The following ZPBP variants were observed in gnomAD, a reference collection of about 807,000 sequenced individuals.
ZPBP encodes the protein zona pellucida-binding protein 1.
Under a neutral mutation model 44.8 loss-of-function variants are expected in ZPBP, and 26 were observed. That is an observed-to-expected ratio of 0.58 (90% CI 0.43 to 0.81). ZPBP has a LOEUF of 0.81. ZPBP is among the 30% of genes least tolerant of loss of function. The probability of loss-of-function intolerance (pLI) is 0.00; values close to 1 mark genes in which losing one functional copy is unlikely to be tolerated. For synonymous variants in ZPBP, 174 were observed against 153.2 expected (o/e 1.14, Z -1.00); for missense variants, 409 against 434.0 (o/e 0.94, Z 0.51).
chr7:49,997,880 C>T (rs567593458), intron 6 of ZPBP, among the ~76,000 whole-genome samples: 1 of 151,630 alleles, frequency 6.6e-6, no homozygotes, highest in African/African-American at 2.4e-5. Context: ...TTAAAGGATC[C>T]CATTCTTTCT....
Position 49,937,493 on chromosome 7 carries a change from A to G in ZPBP, c.*35T>C. On this transcript the variant is annotated 3_prime_UTR_variant, in exon 8 of 8. Transcript: ENST00000046087. ...TTAATATTTCAAATATATACTTTGC[A>G]TTTAATAAACCACTGAATAACTGAA... 2.0e-6 allele frequency: 3 copies of G among 1,465,260 alleles called. No homozygotes were observed. The highest frequency in any genetic ancestry group is 2.9e-6 in the Non-Finnish European group (3 of 1,044,798). The allele number at this position is 1,465,260 out of a possible 1,614,324, so 90.8% of individuals were successfully genotyped here.
At chr7:50,046,349 A>G (rs1395663095) in intron 4 of ZPBP, among the ~76,000 whole-genome samples, 2 of 152,154 alleles carry the variant, frequency 1.3e-5, no homozygotes, top group East Asian at 3.8e-4. Flanking sequence ...CTATCATCAG[A>G]GTGAACAGGC....
intron 4 of ZPBP, among the ~76,000 whole-genome samples, chr7:50,041,825 T>C (rs1046281110): frequency 2.0e-5 from 3 of 152,160 alleles, no homozygotes; most frequent in Non-Finnish European, 4.4e-5. Context: ...GAGAATGAGT[T>C]TGATAAACTG....
At chr7:49,876,782 T>A (rs1025333480) in intron 2 of ZPBP, among the ~76,000 whole-genome samples, 5 of 152,134 alleles carry the variant, frequency 3.3e-5, no homozygotes, top group African/African-American at 1.2e-4. Flanking sequence ...TATGGCATAA[T>A]TAGCTTGAAA....
At chr7:49,965,735 A>G (rs1198058682) in intron 7 of ZPBP, among the ~76,000 whole-genome samples, 1 of 152,104 alleles carries the variant, frequency 6.6e-6, no homozygotes, top group African/African-American at 2.4e-5. Flanking sequence ...CTACAATAGC[A>G]CAAAGGTCAG....
intron 3 of ZPBP, among the ~76,000 whole-genome samples, chr7:50,070,615 G>C (rs1173182407): frequency 6.6e-6 from 1 of 152,208 alleles, no homozygotes; most frequent in Non-Finnish European, 1.5e-5. Context: ...GAATCAGAGA[G>C]ACTGATGGGG....
rs992927420 is a variant in ZPBP, at chr7:49,983,460, T to G, written c.843A>C (p.Ala281=). 3 of 1,611,394 alleles carry G rather than the reference T, an allele frequency of 1.9e-6. No individual in the cohort carries two copies. The highest frequency in any genetic ancestry group is 2.2e-5 in the East Asian group (1 of 44,750). The change falls in exon 7 of 8, where the codon GCA becomes GCC. Residue 281 remains alanine, a synonymous_variant. Transcript: ENST00000046087. The part of the protein sequence containing the change: ...NQQVEILGRR[A]EQLPQIYYIE... ...TATAGTATATTTGAGGTAATTGTTC[T>G]GCACGTCTGCCAAGAATTTCTACTT...
intron 2 of ZPBP, among the ~76,000 whole-genome samples, chr7:49,879,625 A>G (rs1055443829): frequency 1.3e-5 from 2 of 152,102 alleles, no homozygotes; most frequent in African/African-American, 4.8e-5. Flanking sequence ...TTCACAGGCA[A>G]CTCTGTCCCA....
At chr7:49,981,328 T>TG (rs1554360756) in intron 7 of ZPBP, among the ~76,000 whole-genome samples, 1 of 42,926 alleles carries the variant, frequency 2.3e-5, no homozygotes, top group South Asian at 7.8e-4. Context: ...ATAATATATA[T>TG]TATAATTATA....
intron 2 of ZPBP, among the ~76,000 whole-genome samples, chr7:49,869,065 G>A (rs749534666): frequency 6.6e-5 from 10 of 151,984 alleles, no homozygotes; most frequent in Non-Finnish European, 1.3e-4. Context: ...GGGAATTTTT[G>A]AAACCCGTAC....
intron 2 of ZPBP, among the ~76,000 whole-genome samples, chr7:49,867,384 CAG>C (rs1443262190): frequency 6.6e-6 from 1 of 152,172 alleles, no homozygotes; most frequent in Admixed American, 6.5e-5. Context: ...CTCCCTAGCA[CAG>C]AGAGGACAGA....
chr7:49,894,005 T>C (rs1226883680), intron 2 of ZPBP, among the ~76,000 whole-genome samples: 1 of 152,196 alleles, frequency 6.6e-6, no homozygotes, highest in East Asian at 1.9e-4. Context: ...GGGGGCTGTG[T>C]CATTCTGGTG....
rs1800596302 is a variant in ZPBP at position 50,049,841 on chromosome 7, T to G, written c.487+8148A>C. 3.3e-5 allele frequency among the ~76,000 whole-genome samples: 5 copies of G among 151,700 alleles called. No homozygotes were observed. The South Asian group carries it at 6.2e-4, about 19-fold the overall frequency. ...CTCAATAAAAAAAAACAAAAATAAA[T>G]AACAAATACACAGATTCTGTCTCTG... On this transcript the variant is annotated intron_variant, in intron 4 of 7. Transcript: ENST00000046087.
chr7:49,979,993 A>C (rs1796717339), intron 7 of ZPBP, among the ~76,000 whole-genome samples: 1 of 100,944 alleles, frequency 9.9e-6, no homozygotes, highest in South Asian at 2.7e-4. Context: ...ATATAATTTT[A>C]TATTATATAT....
chr7:49,894,270 C>T (rs1005584029), intron 2 of ZPBP, among the ~76,000 whole-genome samples: 1 of 152,248 alleles, frequency 6.6e-6, no homozygotes, highest in Non-Finnish European at 1.5e-5. Flanking sequence ...GACCCTCCCA[C>T]CTCAGCCTCC....
intron 7 of ZPBP, among the ~76,000 whole-genome samples, chr7:49,949,079 C>T (rs1795221456): frequency 6.6e-6 from 1 of 151,972 alleles, no homozygotes; most frequent in African/African-American, 2.4e-5. Flanking sequence ...GAAAACAGAC[C>T]AGAAACACTG....
At chr7:50,030,617 C>A (rs1039681393) in intron 5 of ZPBP, among the ~76,000 whole-genome samples, 1 of 151,932 alleles carries the variant, frequency 6.6e-6, no homozygotes, top group Non-Finnish European at 1.5e-5. Context: ...GTGGGTATTC[C>A]TAAGTGGTCA....
intron 5 of ZPBP, among the ~76,000 whole-genome samples, chr7:50,030,796 T>C (rs1389231372): frequency 6.6e-6 from 1 of 152,162 alleles, no homozygotes; most frequent in Non-Finnish European, 1.5e-5. Context: ...ATTAGATGAT[T>C]TTACAAATTA....
At chr7:49,872,077 T>C (rs1791183200) in intron 2 of ZPBP, among the ~76,000 whole-genome samples, 1 of 151,760 alleles carries the variant, frequency 6.6e-6, no homozygotes, top group Admixed American at 6.6e-5. Flanking sequence ...GAATAATATA[T>C]ATTTAAAGAA....
Sources: gnomAD v4.1 joint callset for allele counts (sites outside exome capture counted in the v4.1 genomes callset) on GRCh38, gnomAD v4.1.1 for gene constraint, MANE v1.5 for transcripts, NCBI Gene and HGNC (gene_info 2026-07-23, HGNC 2026-07-21) for gene names.